Variants in NPHP4 observed in about 807,000 individuals in gnomAD.
NPHP4 encodes the protein nephrocystin-4.
A neutral mutation model predicts 155.8 loss-of-function variants in NPHP4; 151 were observed. The observed-to-expected ratio is 0.97, with a 90% CI of 0.85 to 1.11. The LOEUF (loss-of-function observed/expected upper bound fraction) is 1.11. Among genes scored for constraint, NPHP4 ranks in the 50% least tolerant of loss-of-function variants. The probability of loss-of-function intolerance (pLI) is 0.00; values close to 1 mark genes in which losing one functional copy is unlikely to be tolerated. For synonymous variants in NPHP4, 845 were observed against 816.8 expected (o/e 1.03, Z -0.59); for missense variants, 1,956 against 1,925.7 (o/e 1.02, Z -0.29).
intron 19 of NPHP4, among the ~76,000 whole-genome samples, chr1:5,877,952 G>A (rs1642791118): frequency 6.6e-6 from 1 of 152,252 alleles, no homozygotes; most frequent in African/African-American, 2.4e-5. Flanking sequence ...GGATGGGCCA[G>A]GCCCTTCCTT....
At chr1:5,961,513 C>T (rs1452245328) in intron 6 of NPHP4, among the ~76,000 whole-genome samples, 1 of 152,206 alleles carries the variant, frequency 6.6e-6, no homozygotes, top group African/African-American at 2.4e-5. Flanking sequence ...TAGCTATGGT[C>T]ACAGAGACTT....
intron 12 of NPHP4, among the ~76,000 whole-genome samples, chr1:5,908,228 G>A (rs998632783): frequency 6.6e-5 from 10 of 152,194 alleles, no homozygotes; most frequent in Non-Finnish European, 7.3e-5. Context: ...GTGACCACTC[G>A]GGGTCACGTG....
intron 4 of NPHP4, 68 bp from the exon 5 acceptor site, chr1:5,967,431 G>A (rs1370685464): frequency 1.6e-6 from 2 of 1,246,820 alleles, no homozygotes; most frequent in East Asian, 2.5e-5. Flanking sequence ...AGCACATGGA[G>A]GCCTCAGCCA....
At chr1:5,977,821 TTA>T (rs1252187405) in intron 3 of NPHP4, among the ~76,000 whole-genome samples, 1 of 29,252 alleles carries the variant, frequency 3.4e-5, no homozygotes, top group East Asian at 8.3e-4. Context: ...TTACTAAATC[TTA>T]GTTTGTCTAT....
At chr1:5,871,069 A>T (rs748858395) in intron 23 of NPHP4, among the ~76,000 whole-genome samples, 7 of 152,200 alleles carry the variant, frequency 4.6e-5, no homozygotes, top group Admixed American at 1.3e-4. Context: ...AGTGTCATGG[A>T]GTAAAGGGCA....
intron 11 of NPHP4, among the ~76,000 whole-genome samples, chr1:5,919,737 T>G (rs565956629): frequency 6.3e-4 from 96 of 151,418 alleles, no homozygotes; most frequent in Non-Finnish European, 2.5e-4. Context: ...TGTTTGTGGG[T>G]TTTTTTTGTT....
At chr1:5,982,915 G>A (rs1204926802) in intron 2 of NPHP4, among the ~76,000 whole-genome samples, 1 of 152,072 alleles carries the variant, frequency 6.6e-6, no homozygotes, top group South Asian at 2.1e-4. Context: ...AAGCTTATTG[G>A]GACATTTTAA....
chr1:5,934,455 G>C (rs1428434114), intron 9 of NPHP4, among the ~76,000 whole-genome samples: 2 of 152,094 alleles, frequency 1.3e-5, no homozygotes, highest in Admixed American at 1.3e-4. Context: ...CCATGCGCAG[G>C]AGAAACAACC....
chr1:5,940,489 C>T (rs1646764481), intron 9 of NPHP4, among the ~76,000 whole-genome samples: 1 of 152,184 alleles, frequency 6.6e-6, no homozygotes, highest in African/African-American at 2.4e-5. Context: ...ACACAAATCT[C>T]CCCGCTTTAC....
chr1:5,951,274 C>T (rs140438302), intron 7 of NPHP4, among the ~76,000 whole-genome samples: 105 of 152,332 alleles, frequency 6.9e-4, no homozygotes, highest in African/African-American at 2.5e-3. Context: ...GCATTCTGTG[C>T]GCTTCTGCGG....
chr1:5,887,464 A>G lies in NPHP4; in HGVS notation c.2307T>C (p.His769=), dbSNP rs936607723. ...LIGSAAVQMK[H]LLRQGRPAVQ... is the part of the protein sequence containing the mutation. ...CAGCCGGCCGGCCTTGGCGGAGGAG[A>G]TGCTGCAGAAGAGAAAAGCGCGTTC... Residue 769 remains histidine (H), a splice_region_variant and synonymous_variant, in exon 18 of 30, where the codon CAT becomes CAC. Transcript: ENST00000378156. The G allele has an allele frequency of 2.5e-6, 4 of 1,612,812 alleles. No homozygotes were observed. Among genetic ancestry groups the G allele is most frequent in the African/African-American group, 2.7e-5 (2 of 74,932 alleles).
At chr1:5,979,143 G>T (rs549347388) in intron 2 of NPHP4, among the ~76,000 whole-genome samples, 2 of 152,344 alleles carry the variant, frequency 1.3e-5, no homozygotes, top group Non-Finnish European at 2.9e-5. Flanking sequence ...TCTGTGACAG[G>T]TTCTTACCTG....
intron 11 of NPHP4, among the ~76,000 whole-genome samples, chr1:5,911,787 G>A (rs1192353440): frequency 2.0e-5 from 3 of 152,156 alleles, no homozygotes; most frequent in Admixed American, 6.5e-5. Context: ...ACTCAGTTTC[G>A]AATCTCTTTG....
intron 11 of NPHP4, among the ~76,000 whole-genome samples, chr1:5,923,609 C>A (rs1020685796): frequency 3.9e-5 from 6 of 152,226 alleles, no homozygotes; most frequent in African/African-American, 1.4e-4. Flanking sequence ...TAGCGCTGTT[C>A]CCTCCAGCCA....
chr1:5,897,415 GAT>G (rs760903239), intron 16 of NPHP4, among the ~76,000 whole-genome samples: 1 of 152,222 alleles, frequency 6.6e-6, no homozygotes, highest in African/African-American at 2.4e-5. Flanking sequence ...GTAACAATGA[GAT>G]AGTCTGACAT....
intron 16 of NPHP4, among the ~76,000 whole-genome samples, chr1:5,901,246 C>T (rs974540398): frequency 9.9e-5 from 15 of 152,258 alleles, no homozygotes; most frequent in African/African-American, 3.6e-4. Context: ...CTTTACCGTA[C>T]GCATGTTACA....
At chr1:5,980,246 C>T (rs1303228792) in intron 2 of NPHP4, among the ~76,000 whole-genome samples, 2 of 152,202 alleles carry the variant, frequency 1.3e-5, no homozygotes, top group South Asian at 2.1e-4. Context: ...ATGGCCTACC[C>T]CTCGTCTTGG....
intron 6 of NPHP4, among the ~76,000 whole-genome samples, chr1:5,958,421 G>A (rs547741576): frequency 3.3e-5 from 5 of 152,122 alleles, no homozygotes; most frequent in Non-Finnish European, 5.9e-5. Flanking sequence ...GAGGCCAGGC[G>A]CCATGGCTCA....
At chr1:5,895,703 T>C (rs1644361494) in intron 16 of NPHP4, among the ~76,000 whole-genome samples, 2 of 152,166 alleles carry the variant, frequency 1.3e-5, no homozygotes, top group South Asian at 4.2e-4. Context: ...CTGAAGCCTG[T>C]GATTCCATTA....
Sources: allele counts gnomAD v4.1 joint callset (sites outside exome capture counted in the v4.1 genomes callset), GRCh38; gene constraint gnomAD v4.1.1; transcripts MANE v1.5; gene names NCBI Gene and HGNC (gene_info 2026-07-23, HGNC 2026-07-21).